NEGR1: variants seen among roughly 807,000 people sequenced by gnomAD.
NEGR1 encodes neuronal growth regulator 1.
A neutral mutation model predicts 40.9 loss-of-function variants in NEGR1; 10 were observed. The ratio of observed to expected loss-of-function variants is 0.24; its 90% confidence interval spans 0.15 to 0.42. The LOEUF is 0.42. Among genes scored for constraint, NEGR1 ranks in the 10% least tolerant of loss-of-function variants. NEGR1 has a pLI of 1.00. For missense variants in NEGR1, 352 were observed against 438.9 expected (o/e 0.80, Z 1.77); for synonymous variants, 185 against 166.8 (o/e 1.11, Z -0.84).
intron 1 of NEGR1, among the ~76,000 whole-genome samples, chr1:72,009,706 T>C (rs1363252336): frequency 1.3e-5 from 2 of 152,106 alleles, no homozygotes; most frequent in Non-Finnish European, 2.9e-5. Flanking sequence ...TAGGCAACTG[T>C]TTTGTGTCTA....
At chr1:72,068,301 T>C (rs980488260) in intron 1 of NEGR1, among the ~76,000 whole-genome samples, 1 of 152,144 alleles carries the variant, frequency 6.6e-6, no homozygotes, top group African/African-American at 2.4e-5. Context: ...GGTTGAGCCC[T>C]GGCATTGTCC....
At chr1:72,017,346 A>G (rs1232579012) in intron 1 of NEGR1, among the ~76,000 whole-genome samples, 1 of 152,136 alleles carries the variant, frequency 6.6e-6, no homozygotes, top group Non-Finnish European at 1.5e-5. Flanking sequence ...GTCTTATATT[A>G]CTTTTGACAT....
intron 4 of NEGR1, among the ~76,000 whole-genome samples, chr1:71,616,010 G>T (rs1230414222): frequency 2.6e-5 from 4 of 152,180 alleles, no homozygotes; most frequent in African/African-American, 4.8e-5. Context: ...ATTTTCAGTG[G>T]ATTCCAAGTT....
rs1312822802 is a variant in NEGR1 at position 71,403,425 on chromosome 1, T to TAACTC, written c.*4016_*4020dup. 1.3e-5 allele frequency: 2 copies of TAACTC among 152,308 alleles called. No homozygotes were observed. Among genetic ancestry groups the TAACTC allele is most frequent in the Non-Finnish European group, 2.9e-5 (2 of 68,080 alleles). The allele number at this position is 152,308 out of a possible 1,614,324, so 9.4% of individuals were successfully genotyped here. A position where few individuals can be genotyped will look rare whatever the true frequency, so the allele number is the denominator to read the frequency against. ...CAACAGGATATTTAGTCTCTGTTGCTAACTCTGCTGTATTTTACCAGGTAA... is the reference window on the plus strand; with the variant it reads ...CAACAGGATATTTAGTCTCTGTTGCTAACTCAACTCTGCTGTATTTTACCAGGTAA... On this transcript the variant is annotated 3_prime_UTR_variant, in exon 7 of 7. Coordinates refer to ENST00000357731, the MANE Select transcript of NEGR1 (RefSeq NM_173808.3).
In NEGR1 at chr1:71,945,431, A is replaced by C. The variant is rs10889936; in HGVS notation, c.177-10120T>G. Among the ~76,000 whole-genome samples, 4 of 152,056 alleles carry C rather than the reference A, an allele frequency of 2.6e-5. 1 individual carries two copies. The highest frequency in any genetic ancestry group is 9.6e-5 in the African/African-American group (4 of 41,490). ...CAAAAAACCCTATGTATAAAATATAATTAGAAGAAGGAAAAAAATAAAGAA... is the reference window on the plus strand; with the variant it reads ...CAAAAAACCCTATGTATAAAATATACTTAGAAGAAGGAAAAAAATAAAGAA... On this transcript the variant is annotated intron_variant, in intron 1 of 6. Coordinates refer to ENST00000357731, the MANE Select transcript of NEGR1 (RefSeq NM_173808.3).
At chr1:72,126,287 A>G (rs553087974) in intron 1 of NEGR1, among the ~76,000 whole-genome samples, 1 of 152,242 alleles carries the variant, frequency 6.6e-6, no homozygotes, top group African/African-American at 2.4e-5. Context: ...TTAAACTACA[A>G]TTACAAAACA....
chr1:72,260,103 G>C (rs1289023223), intron 1 of NEGR1, among the ~76,000 whole-genome samples: 1 of 152,056 alleles, frequency 6.6e-6, no homozygotes, highest in Non-Finnish European at 1.5e-5. Context: ...ACCCTAAGAA[G>C]TATGGAGTCA....
At chr1:72,102,634 C>A (rs886263029) in intron 1 of NEGR1, among the ~76,000 whole-genome samples, 1 of 152,004 alleles carries the variant, frequency 6.6e-6, no homozygotes, top group Admixed American at 6.6e-5. Flanking sequence ...TATCTGCATA[C>A]TTACGAAAGC....
chr1:71,929,333 C>T (rs11808170), intron 2 of NEGR1, among the ~76,000 whole-genome samples: 2,829 of 152,116 alleles, frequency 0.019, 79 homozygotes, highest in African/African-American at 0.065. Context: ...CGACACATAA[C>T]GGGTTATTAA....
At chr1:71,721,690 C>T (rs1654516496) in intron 3 of NEGR1, among the ~76,000 whole-genome samples, 3 of 152,084 alleles carry the variant, frequency 2.0e-5, no homozygotes, top group South Asian at 2.1e-4. Flanking sequence ...AGTCAACACT[C>T]AACAATTTTG....
At chr1:71,996,132 C>T (rs1306073348) in intron 1 of NEGR1, among the ~76,000 whole-genome samples, 2 of 151,842 alleles carry the variant, frequency 1.3e-5, no homozygotes, top group Admixed American at 1.3e-4. Context: ...TTTTTTGCAC[C>T]ACTGGATGTA....
intron 1 of NEGR1, among the ~76,000 whole-genome samples, chr1:72,075,091 A>G (rs1201985694): frequency 2.0e-5 from 3 of 152,112 alleles, no homozygotes; most frequent in Non-Finnish European, 4.4e-5. Context: ...TAACTTAGCA[A>G]TTTTCCTAAT....
Position 72,267,966 on chromosome 1 carries a change from G to A in NEGR1, c.176+14353C>T, listed in dbSNP as rs144746435. ...AAAAGTATTACAGAGAAAACAGTAT[G>A]AAAGAAAAGCATCCCAGATGGAAAA... On this transcript the variant is annotated intron_variant, in intron 1 of 6. Coordinates refer to ENST00000357731, the MANE Select transcript of NEGR1 (RefSeq NM_173808.3). Among the ~76,000 whole-genome samples, 285 of 151,146 alleles carry A rather than the reference G, an allele frequency of 1.9e-3. 9 individuals are homozygous for A. The East Asian group carries it at 0.047, about 25-fold the overall frequency.
chr1:72,133,530 T>A (rs960658193), intron 1 of NEGR1, among the ~76,000 whole-genome samples: 1 of 152,030 alleles, frequency 6.6e-6, no homozygotes, highest in South Asian at 2.1e-4. Context: ...ATTGCTCAAA[T>A]GTACTATATA....
intron 3 of NEGR1, among the ~76,000 whole-genome samples, chr1:71,761,528 G>C (rs749607185): frequency 6.6e-6 from 1 of 152,094 alleles, no homozygotes; most frequent in African/African-American, 2.4e-5. Flanking sequence ...TAAACTTATA[G>C]CTGAGGTATA....
intron 2 of NEGR1, among the ~76,000 whole-genome samples, chr1:71,805,424 C>A (rs1225832061): frequency 2.0e-5 from 3 of 152,094 alleles, no homozygotes; most frequent in Non-Finnish European, 4.4e-5. Context: ...CCCCCGGACA[C>A]CCAGTTTTAA....
At chr1:71,907,362 A>G (rs1220982871) in intron 2 of NEGR1, among the ~76,000 whole-genome samples, 1 of 152,192 alleles carries the variant, frequency 6.6e-6, no homozygotes, top group East Asian at 1.9e-4. Flanking sequence ...CTTATTTGGA[A>G]CAGACATAAG....
At chr1:71,514,493 A>G (rs1647105601) in intron 6 of NEGR1, among the ~76,000 whole-genome samples, 1 of 58,046 alleles carries the variant, frequency 1.7e-5, no homozygotes, top group Admixed American at 2.0e-4. Flanking sequence ...GGGTATTCCA[A>G]CAGACCTGCA....
At chr1:71,574,867 T>C (rs1309412114) in intron 6 of NEGR1, among the ~76,000 whole-genome samples, 2 of 152,218 alleles carry the variant, frequency 1.3e-5, no homozygotes, top group Admixed American at 6.5e-5. Context: ...TCAAAATACA[T>C]AAACCATTTG....
Sources: allele counts gnomAD v4.1 joint callset (sites outside exome capture counted in the v4.1 genomes callset), GRCh38; gene constraint gnomAD v4.1.1; transcripts MANE v1.5; gene names NCBI Gene and HGNC (gene_info 2026-07-23, HGNC 2026-07-21).